The following GARIN2 variants were observed in gnomAD, a reference collection of about 807,000 sequenced individuals.
GARIN2 encodes the protein Golgi-associated RAB2 interactor protein 2.
chr14:67,225,512 T>G, the GARIN2 span, among the ~76,000 whole-genome samples: 1 of 152,222 alleles, frequency 6.6e-6, no homozygotes, highest in Non-Finnish European at 1.5e-5. Context: ...GAGAATTATG[T>G]GCTGCACTAC....
chr14:67,225,037 C>A, the GARIN2 span: 1 of 1,312,732 alleles, frequency 7.6e-7, no homozygotes, highest in Non-Finnish European at 1.0e-6. Context: ...TTTCCTCCTG[C>A]TTTTGGCTTT....
the GARIN2 span, chr14:67,208,044 T>C: frequency 1.5e-6 from 1 of 654,078 alleles, no homozygotes; most frequent in Non-Finnish European, 1.9e-6. Context: ...GCTCTCCCAA[T>C]GGTCGTGCCA....
chr14:67,200,480 G>A, the GARIN2 span: 4 of 383,982 alleles, frequency 1.0e-5, no homozygotes, highest in East Asian at 2.0e-4. Context: ...TTCCACAGGA[G>A]GTATTTCTTT....
chr14:67,204,692 C>G, the GARIN2 span: 5 of 1,613,920 alleles, frequency 3.1e-6, no homozygotes, highest in Non-Finnish European at 4.2e-6. Flanking sequence ...GCCCTCATCT[C>G]CCTCTTGAAT....
At chr14:67,199,021 A>C in the GARIN2 span, 3 of 714,416 alleles carry the variant, frequency 4.2e-6, no homozygotes, top group South Asian at 1.5e-5. Flanking sequence ...GACAACAGAC[A>C]CTTCAAAAGG....
the GARIN2 span, among the ~76,000 whole-genome samples, chr14:67,205,449 G>A: frequency 6.6e-6 from 1 of 152,170 alleles, no homozygotes; most frequent in East Asian, 1.9e-4. Context: ...CACTTCTAAA[G>A]GATATTAATA....
the GARIN2 span, among the ~76,000 whole-genome samples, chr14:67,197,943 T>C: frequency 6.6e-6 from 1 of 152,186 alleles, no homozygotes; most frequent in Non-Finnish European, 1.5e-5. Context: ...TGTCTCCCCA[T>C]AGAGTGTAAG....
chr14:67,196,223 C>CTTTCTTTTTTTTTT, the GARIN2 span, among the ~76,000 whole-genome samples: 1 of 143,116 alleles, frequency 7.0e-6, no homozygotes, highest in African/African-American at 2.6e-5. Flanking sequence ...TTCTTTCTTT[C>CTTTCTTTTTTTTTT]TTTTTTTTTT....
chr14:67,193,678 C>T, the GARIN2 span, among the ~76,000 whole-genome samples: 1 of 147,066 alleles, frequency 6.8e-6, no homozygotes, highest in African/African-American at 2.5e-5. Context: ...CACAGTGGCT[C>T]ATGCCTATAA....
At chr14:67,209,690 C>T in the GARIN2 span, among the ~76,000 whole-genome samples, 7 of 150,980 alleles carry the variant, frequency 4.6e-5, no homozygotes, top group Non-Finnish European at 7.4e-5. Flanking sequence ...TGGTGGCAGG[C>T]GCCTGTAATC....
chr14:67,213,433 C>A, the GARIN2 span, among the ~76,000 whole-genome samples: 4 of 145,626 alleles, frequency 2.7e-5, no homozygotes, highest in East Asian at 2.1e-4. Flanking sequence ...TTTGTTCTTG[C>A]GATAGTTTAC....
the GARIN2 span, among the ~76,000 whole-genome samples, chr14:67,214,004 A>G: frequency 9.2e-5 from 14 of 151,910 alleles, no homozygotes; most frequent in Middle Eastern, 0.017. Context: ...CCACTTTTTG[A>G]TGGGGTTGTT....
At chr14:67,225,027 T>C in the GARIN2 span, 1 of 1,195,192 alleles carries the variant, frequency 8.4e-7, no homozygotes. Context: ...GTGCCTTTTT[T>C]TTCCTCCTGC....
chr14:67,193,326 ATC>A, the GARIN2 span, among the ~76,000 whole-genome samples: 1 of 139,410 alleles, frequency 7.2e-6, no homozygotes, highest in Non-Finnish European at 1.5e-5. Context: ...ATATCTATAT[ATC>A]TCTATATAGA....
the GARIN2 span, among the ~76,000 whole-genome samples, chr14:67,200,841 A>G: frequency 3.3e-5 from 5 of 152,298 alleles, no homozygotes; most frequent in East Asian, 1.9e-4. Flanking sequence ...ATTACATAGT[A>G]CTTGTCCAAC....
At chr14:67,226,123 C>A in the GARIN2 span, among the ~76,000 whole-genome samples, 2 of 152,170 alleles carry the variant, frequency 1.3e-5, no homozygotes, top group South Asian at 4.1e-4. Context: ...TTCTGTCCAC[C>A]CTTCTGTCAC....
the GARIN2 span, among the ~76,000 whole-genome samples, chr14:67,215,518 A>G: frequency 1.1e-4 from 17 of 151,904 alleles, no homozygotes; most frequent in Non-Finnish European, 1.6e-4. Flanking sequence ...TTAAAAAACA[A>G]CAACAACAAC....
chr14:67,222,494 T>C, the GARIN2 span, among the ~76,000 whole-genome samples: 15 of 152,310 alleles, frequency 9.8e-5, no homozygotes, highest in East Asian at 2.1e-3. Context: ...CAGGATGGTC[T>C]CGAACTCCTG....
the GARIN2 span, among the ~76,000 whole-genome samples, chr14:67,212,385 C>T: frequency 5.9e-5 from 9 of 151,470 alleles, no homozygotes; most frequent in African/African-American, 1.5e-4. Context: ...CCAAGGAGTT[C>T]GAGACCAGCC....
Sources: allele counts gnomAD v4.1 joint callset (sites outside exome capture counted in the v4.1 genomes callset), GRCh38; gene constraint gnomAD v4.1.1; transcripts MANE v1.5; gene names NCBI Gene and HGNC (gene_info 2026-07-23, HGNC 2026-07-21).